NACAD: variants seen among roughly 807,000 people sequenced by gnomAD.
The protein encoded by NACAD is NAC alpha domain containing.
A neutral mutation model predicts 98.9 loss-of-function variants in NACAD; 47 were observed. The ratio of observed to expected loss-of-function variants is 0.48; its 90% CI spans 0.38 to 0.61. NACAD has a LOEUF of 0.61. NACAD is among the 20% of genes least tolerant of loss of function. The probability of loss-of-function intolerance (pLI) is 0.00; values close to 1 mark genes in which losing one functional copy is unlikely to be tolerated. For missense variants in NACAD, 1,412 were observed against 1,748.2 expected (o/e 0.81, Z 3.43); for synonymous variants, 696 against 767.2 (o/e 0.91, Z 1.53).
Position 45,080,724 on chromosome 7 carries a change from C to T in NACAD, c.4590G>A (p.Leu1530=), listed in dbSNP as rs377378218. Residue 1530 remains leucine, a synonymous_variant, in exon 7 of 8, where the codon CTG becomes CTA. Coordinates refer to ENST00000490531, the MANE Select transcript of NACAD (RefSeq NM_001146334.2). ...EAGLELRDIE[L]VMAQANVSRA... ...TGGACACATTGGCCTGCGCCATCAC[C>T]AGCTCAATGTCACGCAGTTCCAGCC... is the stretch of plus-strand genomic sequence containing the variant. The T allele has an allele frequency of 7.5e-5, 117 of 1,550,988 alleles. No homozygotes were observed. In the African/African-American group the frequency reaches 1.4e-3, roughly 18 times the overall value.
chr7:45,080,588 G>A (rs1451415701), intron 7 of NACAD, 52 bp downstream of exon 7: 2 of 1,551,330 alleles, frequency 1.3e-6, no homozygotes, highest in South Asian at 1.2e-5. Flanking sequence ...AGGACCTCTC[G>A]AGGCCCTTGG....
chr7:45,081,645 T>C lies in NACAD; in HGVS notation c.4213A>G (p.Ile1405Val). The part of the protein sequence containing the change: ...QAPAGGSEET[I>V]AKAKQSRSEK... ...CTGCGACTCTGCTTGGCTTTGGCGA[T>C]GGTCTCCTCACTGCCGCCTGCTGGG... The change falls in exon 4 of 8, where the codon ATC (isoleucine) becomes GTC (valine). Residue 1405 changes from isoleucine to valine, a missense_variant. By Grantham distance (29) the Ile-to-Val change is conservative (BLOSUM62 3). Around this residue, in one of 5 missense-constraint regions of NACAD, gnomAD observed 572 missense variants for 639.6 expected, o/e 0.89. Coordinates refer to ENST00000490531, the MANE Select transcript of NACAD (RefSeq NM_001146334.2). 6.4e-7 allele frequency: 1 copy of C among 1,551,460 alleles called. No individual in the cohort carries two copies. Among genetic ancestry groups the C allele is most frequent in the Non-Finnish European group, 8.7e-7 (1 of 1,146,996 alleles).
intron 1 of NACAD, among the ~76,000 whole-genome samples, chr7:45,087,269 C>A (rs1784535238): frequency 6.6e-6 from 1 of 152,260 alleles, no homozygotes; most frequent in African/African-American, 2.4e-5. Flanking sequence ...TTGAATCTAG[C>A]TATTTTCACC....
Position 45,084,764 on chromosome 7 carries a change from G to T in NACAD, c.1416C>A (p.Gly472=), listed in dbSNP as rs1562928328. The T allele has an allele frequency of 9.7e-6, 15 of 1,551,108 alleles. No individual in the cohort carries two copies. The highest frequency in any genetic ancestry group is 1.7e-4 in the Middle Eastern group (1 of 5,992). ...CAGTGGACTCCTGGCCTAAAGCAAG[G>T]CCCTCTTCTGTTACTTCTGAGATCA... is the stretch of plus-strand genomic sequence containing the variant. ...QELISEVTEE[G]LALGQESTAT... Residue 472 remains glycine (G), a synonymous_variant, in exon 2 of 8, where the codon GGC becomes GGA. Transcript: ENST00000490531.
Position 45,088,611 on chromosome 7 carries a change from G to T in NACAD, c.67+217C>A, listed in dbSNP as rs902493169. ...GGCTTAAGCCCCCACGTTCTTTCTG[G>T]CTCGCGGCGGGCACTTCGTGCGCCC... On this transcript the variant is annotated intron_variant, in intron 1 of 7. Transcript: ENST00000490531. This position sits in a 1 kb window ranked among gnomAD's most constrained non-coding sequence, Gnocchi z 5.7. 1.3e-5 allele frequency among the ~76,000 whole-genome samples: 2 copies of T among 152,202 alleles called. No individual in the cohort carries two copies. Among genetic ancestry groups the T allele is most frequent in the African/African-American group, 4.8e-5 (2 of 41,460 alleles).
chr7:45,083,238 T>C lies in NACAD; in HGVS notation c.2942A>G (p.Glu981Gly). The change falls in exon 2 of 8, where the codon GAG (glutamate) becomes GGG (glycine). Residue 981 changes from glutamate to glycine, a missense_variant. Glu to Gly is a moderately conservative substitution (Grantham distance 98). Transcript: ENST00000490531. Reference sequence around the variant, plus strand: ...GACTGTAGGGAGGGCTGCATTCTTCTCCTCAGGTGCTGGCCTGGGGCCTAA... The same window carrying C: ...GACTGTAGGGAGGGCTGCATTCTTCCCCTCAGGTGCTGGCCTGGGGCCTAA... ...EALGPRPAPE[E>G]KNAALPTVPE... The C allele has an allele frequency of 1.3e-6, 2 of 1,550,904 alleles. No individual in the cohort carries two copies. The highest frequency in any genetic ancestry group is 1.7e-4 in the Middle Eastern group (1 of 5,992).
In NACAD at chr7:45,083,093, A is replaced by G; in HGVS notation, c.3087T>C (p.Ser1029=). ...ADSTLGMEAL[S]LPEPASGAGE... is the part of the protein sequence containing the mutation. ...CAGCACCAGAGGCCGGCTCAGGGAG[A>G]CTGAGGGCCTCCATGCCCAAAGTGG... Residue 1029 remains serine (S), a synonymous_variant, in exon 2 of 8, where the codon AGT becomes AGC. Coordinates refer to ENST00000490531, the MANE Select transcript of NACAD (RefSeq NM_001146334.2). 1 of 1,550,760 alleles carries G rather than the reference A, an allele frequency of 6.4e-7. No individual in the cohort carries two copies. The highest frequency in any genetic ancestry group is 8.7e-7 in the Non-Finnish European group (1 of 1,146,978).
Position 45,081,510 on chromosome 7 carries a change from T to C in NACAD, c.4257+91A>G. 9 of 1,474,048 alleles carry C rather than the reference T, an allele frequency of 6.1e-6. No homozygotes were observed. The South Asian group carries it at 1.1e-4, about 18-fold the overall frequency. The allele number at this position is 1,474,048 out of a possible 1,614,324, so 91.3% of individuals were successfully genotyped here. On this transcript the variant is annotated intron_variant, in intron 4 of 7. Transcript: ENST00000490531. ...CAAAGGTCCCCTGATGGATGGGATT[T>C]CATTAGCCATGGAGTGTGAGGGTCT...
In NACAD at chr7:45,085,458, G is replaced by A. The variant is rs1351263224; in HGVS notation, c.722C>T (p.Pro241Leu). The A allele has an allele frequency of 1.2e-4, 188 of 1,550,014 alleles. No homozygotes were observed. Among genetic ancestry groups the A allele is most frequent in the Non-Finnish European group, 1.6e-4 (183 of 1,146,646 alleles). The change falls in exon 2 of 8, where the codon CCG (proline) becomes CTG (leucine). Residue 241 changes from proline (P) to leucine (L), a missense_variant. Coordinates refer to ENST00000490531, the MANE Select transcript of NACAD (RefSeq NM_001146334.2). This position sits in a 1 kb window ranked among gnomAD's most constrained non-coding sequence, Gnocchi z 6.1. Reference sequence around the variant, plus strand: ...TGAGGGGAAGTCCAGCCCTTCAGCCGGAGCCAGCAGGCTGAGGGAACAGGA... The same window carrying A: ...TGAGGGGAAGTCCAGCCCTTCAGCCAGAGCCAGCAGGCTGAGGGAACAGGA... ...SPSCSLSLLAPAEGLDFPSGW... is the reference protein window; with the variant it reads ...SPSCSLSLLALAEGLDFPSGW...
Position 45,088,720 on chromosome 7 carries a change from G to T in NACAD, c.67+108C>A. 2.2e-6 allele frequency: 2 copies of T among 926,102 alleles called. No individual in the cohort carries two copies. Among genetic ancestry groups the T allele is most frequent in the South Asian group, 2.4e-5 (1 of 41,106 alleles). The allele number at this position is 926,102 out of a possible 1,614,324, so 57.4% of individuals were successfully genotyped here. On this transcript the variant is annotated intron_variant, in intron 1 of 7. Transcript: ENST00000490531. This position sits in a 1 kb window ranked among gnomAD's most constrained non-coding sequence, Gnocchi z 5.7. ...GGCGCGGAAAGGGGAGGGGACTCGAGGGGGGCCAGGGGGATGGGGGAGAGG... is the reference window on the plus strand; with the variant it reads ...GGCGCGGAAAGGGGAGGGGACTCGATGGGGGCCAGGGGGATGGGGGAGAGG...
chr7:45,083,339 G>C lies in NACAD; in HGVS notation c.2841C>G (p.Thr947=). 6.4e-7 allele frequency: 1 copy of C among 1,551,330 alleles called. No homozygotes were observed. Among genetic ancestry groups the C allele is most frequent in the Non-Finnish European group, 8.7e-7 (1 of 1,147,014 alleles). The stretch of plus-strand genomic sequence containing the variant: ...GGGCACAGCCTGCTTCTGCCTGCAA[G>C]GTTTGAGGGGTGGCCACAGCCAGAG... ...PEPLAVATPQ[T]LQAEAGCAPG... The change falls in exon 2 of 8, where the codon ACC becomes ACG. Residue 947 remains threonine, a synonymous_variant. Transcript: ENST00000490531.
At position 45,088,855 on chromosome 7, in the gene NACAD, C is replaced by A. The variant is rs1200156417; in HGVS notation, c.40G>T (p.Glu14Ter). The change falls in exon 1 of 8, where the codon GAG becomes TAG. Residue 14 changes from glutamate to a stop codon, truncating the protein, a stop_gained. Transcript: ENST00000490531. LOFTEE classifies it high-confidence loss of function. The surrounding 1 kb of genome is among the most constrained non-coding windows in gnomAD (Gnocchi z 5.7). ...GTGCGGGGCCCGGGTCGGTCCGCCT[C>A]GGGCAGCAGCAGCTCGGCGCGGGCA... is the stretch of plus-strand genomic sequence containing the variant. ...EAARAELLLP[E>*]ADRPGPRTDL... 1.3e-6 allele frequency: 2 copies of A among 1,488,752 alleles called. No individual in the cohort carries two copies. The highest frequency in any genetic ancestry group is 1.8e-6 in the Non-Finnish European group (2 of 1,124,398). The allele number at this position is 1,488,752 out of a possible 1,614,324, so 92.2% of individuals were successfully genotyped here. A position where few individuals can be genotyped will look rare whatever the true frequency, so the allele number is the denominator to read the frequency against.
rs1273783298 is a variant in NACAD, at chr7:45,082,926, T to C, written c.3254A>G (p.Lys1085Arg). The C allele has an allele frequency of 1.3e-6, 2 of 1,551,142 alleles. No individual in the cohort carries two copies. Among genetic ancestry groups the C allele is most frequent in the Non-Finnish European group, 1.7e-6 (2 of 1,146,998 alleles). ...EVENQQEGGL[K>R]PLAQEHGPRS... ...GGGTCCATGTTCCTGTGCCAGTGGC[T>C]TCAGGCCTCCTTCCTGCTGGTTCTC... Residue 1085 changes from lysine to arginine, a missense_variant, in exon 2 of 8, where the codon AAG (lysine) becomes AGG (arginine). Physicochemically the swap from Lys to Arg is conservative, Grantham distance 26. This residue lies in a region of NACAD where 572 missense variants were observed against 639.6 expected (regional missense o/e 0.89). Transcript: ENST00000490531. This position sits in a 1 kb window ranked among gnomAD's most constrained non-coding sequence, Gnocchi z 4.5.
At position 45,084,641 on chromosome 7, in the gene NACAD, G is replaced by A. The variant is rs1432381404; in HGVS notation, c.1539C>T (p.Ser513=). ...TPQAGEEETD[S]TAGQESAAMA... is the part of the protein sequence containing the mutation. The stretch of plus-strand genomic sequence containing the variant: ...TGGCAGCAGATTCTTGTCCAGCGGT[G>A]GAGTCTGTTTCTTCCTCCCCAGCCT... Residue 513 remains serine (S), a synonymous_variant, in exon 2 of 8, where the codon TCC becomes TCT. Coordinates refer to ENST00000490531, the MANE Select transcript of NACAD (RefSeq NM_001146334.2). 2 of 1,551,520 alleles carry A rather than the reference G, an allele frequency of 1.3e-6. No individual in the cohort carries two copies. The highest frequency in any genetic ancestry group is 4.9e-5 in the East Asian group (2 of 40,902).
chr7:45,080,674 C>G lies in NACAD; in HGVS notation c.4640G>C (p.Arg1547Thr). Residue 1547 changes from arginine to threonine, a missense_variant, in exon 7 of 8, where the codon AGA becomes ACA. Around this residue, in one of 5 missense-constraint regions of NACAD, gnomAD observed 88 missense variants for 105.4 expected, o/e 0.84. Coordinates refer to ENST00000490531, the MANE Select transcript of NACAD (RefSeq NM_001146334.2). ...GTTGACGATGTCACTGTGGTTGTCT[C>G]TCAGAGCCCGCACGGCCTTGGCCCT... is the stretch of plus-strand genomic sequence containing the variant. ...VSRAKAVRAL[R>T]DNHSDIVNAI... The G allele has an allele frequency of 1.9e-6, 3 of 1,551,308 alleles. No individual in the cohort carries two copies. Among genetic ancestry groups the G allele is most frequent in the Non-Finnish European group, 2.6e-6 (3 of 1,146,942 alleles).
intron 1 of NACAD, among the ~76,000 whole-genome samples, chr7:45,087,228 T>C (rs1247108584): frequency 6.6e-6 from 1 of 152,220 alleles, no homozygotes; most frequent in African/African-American, 2.4e-5. Flanking sequence ...CTGTATTTTA[T>C]CACAGGCGAG....
At position 45,080,986 on chromosome 7, in the gene NACAD, C is replaced by G. The variant is rs757618364; in HGVS notation, c.4441G>C (p.Ala1481Pro). 6.4e-7 allele frequency: 1 copy of G among 1,551,962 alleles called. No homozygotes were observed. ...DLSQQVHKAA[A>P]EKFKVPSEPS... The stretch of plus-strand genomic sequence containing the variant: ...TCTGAGGGCACCTTAAACTTCTCAG[C>G]TGCGGCTTTGTGCACTTGCTGGGAC... Residue 1481 changes from alanine (A) to proline (P), a missense_variant, in exon 6 of 8, where the codon GCT (alanine) becomes CCT (proline). Ala to Pro is a conservative substitution (Grantham distance 27). Transcript: ENST00000490531.
At position 45,082,571 on chromosome 7, in the gene NACAD, G is replaced by A. The variant is rs753162278; in HGVS notation, c.3609C>T (p.Thr1203=). The A allele has an allele frequency of 6.5e-6, 10 of 1,546,178 alleles. No homozygotes were observed. The highest frequency in any genetic ancestry group is 8.7e-6 in the Non-Finnish European group (10 of 1,144,960). The change falls in exon 2 of 8, where the codon ACC becomes ACT. Residue 1203 remains threonine (T), a synonymous_variant. Transcript: ENST00000490531. This position sits in a 1 kb window ranked among gnomAD's most constrained non-coding sequence, Gnocchi z 4.5. ...QPHEVPSVLG[T]PLLQPPENLA... ...GGTTTTCTGGGGGCTGCAGCAAGGG[G>A]GTGCCAAGGACACTGGGTACTTCGT...
Position 45,085,940 on chromosome 7 carries a change from G to C in NACAD, c.240C>G (p.Pro80=). ...CCTCCCCTGGGTCCGCCCAGGCCGAGGGTGCCCCACCAGGCCCTGCATCCC... is the reference window on the plus strand; with the variant it reads ...CCTCCCCTGGGTCCGCCCAGGCCGACGGTGCCCCACCAGGCCCTGCATCCC... The part of the protein sequence containing the change: ...ASWDAGPGGA[P]SAWADPGEGG... The change falls in exon 2 of 8, where the codon CCC becomes CCG. Residue 80 remains proline (P), a synonymous_variant. Transcript: ENST00000490531. The surrounding 1 kb of genome is among the most constrained non-coding windows in gnomAD (Gnocchi z 6.1). 6.5e-7 allele frequency: 1 copy of C among 1,540,736 alleles called. No homozygotes were observed. The highest frequency in any genetic ancestry group is 8.8e-7 in the Non-Finnish European group (1 of 1,142,678).
Sources: allele counts gnomAD v4.1 joint callset (sites outside exome capture counted in the v4.1 genomes callset), GRCh38; gene constraint gnomAD v4.1.1; regional missense constraint gnomAD v4.1.1; non-coding constraint Gnocchi (gnomAD v3.1); transcripts MANE v1.5; gene names NCBI Gene and HGNC (gene_info 2026-07-23, HGNC 2026-07-21).